The following SLC15A5 variants were observed in gnomAD, a reference collection of about 807,000 sequenced individuals.
The protein encoded by SLC15A5 is Peptide/histidine transporter ENSP00000340402.
SLC15A5 carries 58 observed loss-of-function variants against 56.1 expected under a neutral mutation model. That is an observed-to-expected ratio of 1.03 (90% CI 0.84 to 1.29). The LOEUF (loss-of-function observed/expected upper bound fraction) is 1.29. SLC15A5 is among the 50% of genes most tolerant of loss of function. SLC15A5 has a pLI of 0.00. For missense variants in SLC15A5, 681 were observed against 672.1 expected (o/e 1.01, Z -0.15); for synonymous variants, 264 against 250.5 (o/e 1.05, Z -0.51).
At chr12:16,195,513 T>TA (rs1279537702) in intron 7 of SLC15A5, among the ~76,000 whole-genome samples, 1 of 152,084 alleles carries the variant, frequency 6.6e-6, no homozygotes, top group Non-Finnish European at 1.5e-5. Flanking sequence ...TTTTTACTGT[T>TA]ATGCATTATG....
intron 8 of SLC15A5, among the ~76,000 whole-genome samples, chr12:16,193,843 G>GC (rs1863867304): frequency 2.2e-5 from 3 of 135,670 alleles, no homozygotes; most frequent in South Asian, 2.3e-4. Context: ...GAGAGAGAGA[G>GC]AGGCTGGCAA....
At chr12:16,250,197 A>T (rs1002134177) in intron 3 of SLC15A5, among the ~76,000 whole-genome samples, 7 of 152,056 alleles carry the variant, frequency 4.6e-5, no homozygotes, top group Non-Finnish European at 5.9e-5. Flanking sequence ...TGCTCAGCTT[A>T]ACAATAACAA....
In SLC15A5 at chr12:16,248,886, G is replaced by A. The variant is rs143534158; in HGVS notation, c.755-4086C>T. Among the ~76,000 whole-genome samples the A allele has an allele frequency of 7.6e-4, 116 of 152,134 alleles. 1 individual carries two copies. The highest frequency in any genetic ancestry group is 2.7e-3 in the African/African-American group (114 of 41,522). Reference sequence around the variant, plus strand: ...TCAAGCTCTGGTTTAAATGTGCATGGCAAACACACCAGGCGTGCACATTTT... The same window carrying A: ...TCAAGCTCTGGTTTAAATGTGCATGACAAACACACCAGGCGTGCACATTTT... On this transcript the variant is annotated intron_variant, in intron 3 of 8. Transcript: ENST00000344941.
chr12:16,234,901 G>A (rs1591650601), intron 5 of SLC15A5, among the ~76,000 whole-genome samples: 2 of 152,092 alleles, frequency 1.3e-5, no homozygotes, highest in African/African-American at 4.8e-5. Context: ...TATTTGCTGA[G>A]AAAACTATGG....
At chr12:16,267,118 G>A (rs1444294663) in intron 2 of SLC15A5, among the ~76,000 whole-genome samples, 1 of 152,112 alleles carries the variant, frequency 6.6e-6, no homozygotes, top group East Asian at 1.9e-4. Flanking sequence ...TATTTAAATG[G>A]TCTTTCCTAA....
At chr12:16,193,218 A>AAG (rs1192381388) in intron 8 of SLC15A5, among the ~76,000 whole-genome samples, 2 of 152,086 alleles carry the variant, frequency 1.3e-5, no homozygotes, top group Non-Finnish European at 2.9e-5. Context: ...TTTTCAATCT[A>AAG]AGAATGAGAT....
chr12:16,218,496 T>C (rs1799511), intron 6 of SLC15A5, among the ~76,000 whole-genome samples: 152,221 of 152,268 alleles, frequency 1, 76,088 homozygotes, highest in Non-Finnish European at 1. Flanking sequence ...AGTATACGTA[T>C]ACAAACCTAT....
At chr12:16,192,014 A>G (rs1453540587) in intron 8 of SLC15A5, among the ~76,000 whole-genome samples, 1 of 152,138 alleles carries the variant, frequency 6.6e-6, no homozygotes, top group Non-Finnish European at 1.5e-5. Flanking sequence ...TGGAGGCAGC[A>G]TAGTATAGAA....
intron 4 of SLC15A5, among the ~76,000 whole-genome samples, chr12:16,241,711 A>G (rs1864416364): frequency 6.6e-6 from 1 of 152,174 alleles, no homozygotes. Context: ...CAGCGGAACA[A>G]CTCTAAGACT....
intron 5 of SLC15A5, among the ~76,000 whole-genome samples, chr12:16,238,477 A>G (rs1160489706): frequency 6.6e-6 from 1 of 151,950 alleles, no homozygotes; most frequent in Non-Finnish European, 1.5e-5. Context: ...AATGCAAAAA[A>G]AAATTAGCCA....
At chr12:16,273,622 AT>A (rs931890013) in intron 1 of SLC15A5, among the ~76,000 whole-genome samples, 6 of 151,452 alleles carry the variant, frequency 4.0e-5, no homozygotes, top group South Asian at 2.1e-4. Flanking sequence ...TTCTTATTCA[AT>A]TTTTTTTTAA....
At chr12:16,209,951 C>T (rs1690936156) in intron 7 of SLC15A5, among the ~76,000 whole-genome samples, 1 of 152,036 alleles carries the variant, frequency 6.6e-6, no homozygotes, top group Admixed American at 6.6e-5. Flanking sequence ...TGTATGTTAC[C>T]ATTCTTATAG....
At position 16,235,115 on chromosome 12, in the gene SLC15A5, G is replaced by A. The variant is rs1312646561; in HGVS notation, c.1162+4566C>T. ...GACAGCTATAATTTTATTGTCTTAT[G>A]TATCTGCTGCCTTTGGGGAAGATAT... On this transcript the variant is annotated intron_variant, in intron 5 of 8. Transcript: ENST00000344941. The surrounding 1 kb of genome is among the most constrained non-coding windows in gnomAD (Gnocchi z 4.1). Among the ~76,000 whole-genome samples, 1 of 151,858 alleles carries A rather than the reference G, an allele frequency of 6.6e-6. No homozygotes were observed. The highest frequency in any genetic ancestry group is 1.5e-5 in the Non-Finnish European group (1 of 67,890).
rs768952187 is a variant in SLC15A5, at chr12:16,244,627, G to C, written c.928C>G (p.Leu310Val). 32 of 1,537,622 alleles carry C rather than the reference G, an allele frequency of 2.1e-5. 1 individual carries two copies. The South Asian group carries it at 3.8e-4, about 18-fold the overall frequency. The part of the protein sequence containing the change: ...VEDTTFFLTL[L>V]PLFIFQLLYR... The stretch of plus-strand genomic sequence containing the variant: ...AGGAGCTGAAAAATGAAGAGAGGGA[G>C]AAGGGTGAGGAAAAATGTTGTGTCT... Residue 310 changes from leucine (L) to valine (V), a missense_variant, in exon 4 of 9, where the codon CTC (leucine) becomes GTC (valine). By Grantham distance (32) the Leu-to-Val change is conservative. Coordinates refer to ENST00000344941, the MANE Select transcript of SLC15A5 (RefSeq NM_001170798.1).
chr12:16,233,985 T>G (rs1352811729), intron 5 of SLC15A5, among the ~76,000 whole-genome samples: 2 of 152,216 alleles, frequency 1.3e-5, no homozygotes, highest in Non-Finnish European at 2.9e-5. Context: ...TTGTCTTAGT[T>G]TGCTTGTGCT....
At chr12:16,225,858 C>T (rs953357350) in intron 5 of SLC15A5, among the ~76,000 whole-genome samples, 9 of 152,334 alleles carry the variant, frequency 5.9e-5, no homozygotes, top group South Asian at 2.1e-4. Context: ...GATATCCAGA[C>T]GCCAGTGATC....
intron 4 of SLC15A5, among the ~76,000 whole-genome samples, chr12:16,244,356 G>A (rs1290453078): frequency 6.6e-6 from 1 of 152,164 alleles, no homozygotes; most frequent in Non-Finnish European, 1.5e-5. Context: ...GACATTTATA[G>A]CTCCACAAAA....
At chr12:16,218,906 G>T (rs1296623745) in intron 6 of SLC15A5, among the ~76,000 whole-genome samples, 1 of 152,066 alleles carries the variant, frequency 6.6e-6, no homozygotes, top group Admixed American at 6.6e-5. Context: ...GCATTTACCA[G>T]AACTTTTCCA....
chr12:16,193,016 A>C (rs1454877503), intron 8 of SLC15A5, among the ~76,000 whole-genome samples: 1 of 152,132 alleles, frequency 6.6e-6, no homozygotes, highest in African/African-American at 2.4e-5. Flanking sequence ...GACAAGGATC[A>C]AACCTTACCA....
Sources: allele counts gnomAD v4.1 joint callset (sites outside exome capture counted in the v4.1 genomes callset), GRCh38; gene constraint gnomAD v4.1.1; non-coding constraint Gnocchi (gnomAD v3.1); transcripts MANE v1.5; gene names NCBI Gene and HGNC (gene_info 2026-07-23, HGNC 2026-07-21).